ADGRF5: variants seen among roughly 807,000 people sequenced by gnomAD.
The protein encoded by ADGRF5 is G-protein coupled receptor 116.
A neutral mutation model predicts 132.3 loss-of-function variants in ADGRF5; 75 were observed. That is an observed-to-expected ratio of 0.57 (90% CI 0.47 to 0.69). The LOEUF (loss-of-function observed/expected upper bound fraction) is 0.69. Ranked by LOEUF, ADGRF5 falls within the 30% of genes least tolerant of loss-of-function variation. The pLI, the probability that ADGRF5 is intolerant of heterozygous loss-of-function variation, is 0.00. For synonymous variants in ADGRF5, 629 were observed against 597.6 expected, an observed-to-expected ratio of 1.05 and a Z score of -0.77; for missense variants, 1,516 against 1,630.6, an observed-to-expected ratio of 0.93 and a Z score of 1.21.
rs544366721 is a variant in ADGRF5 at position 46,902,137 on chromosome 6, C to A, written c.103-2054G>T. Among the ~76,000 whole-genome samples, 25 of 152,352 alleles carry A rather than the reference C, an allele frequency of 1.6e-4. 1 individual carries two copies. The South Asian group carries it at 4.8e-3, about 29-fold the overall frequency. On this transcript the variant is annotated intron_variant, in intron 2 of 20. Coordinates refer to ENST00000283296, the MANE Select transcript of ADGRF5 (RefSeq NM_001098518.2). ...CTTGAATATGCAGGAACTGAAGGTG[C>A]AAAGTCAATGTATAGGACTGTTTCC...
chr6:46,952,468 C>T (rs1035843443), intron 1 of ADGRF5, among the ~76,000 whole-genome samples: 1 of 152,010 alleles, frequency 6.6e-6, no homozygotes, highest in Admixed American at 6.6e-5. Flanking sequence ...GGGGCACTGA[C>T]AGGGAAACAA....
At chr6:46,854,568 T>G in intron 20 of ADGRF5, 1 of 442,266 alleles carries the variant, frequency 2.3e-6, no homozygotes, top group Non-Finnish European at 4.5e-6. Context: ...GTCAGGAATG[T>G]CAACAGAACT....
intron 1 of ADGRF5, among the ~76,000 whole-genome samples, chr6:46,938,428 AG>A (rs1480003687): frequency 6.6e-6 from 1 of 152,204 alleles, no homozygotes; most frequent in Non-Finnish European, 1.5e-5. Flanking sequence ...GAAGCCAATG[AG>A]AATGAGAAAC....
At chr6:46,941,327 CAAGA>C (rs1778036674) in intron 1 of ADGRF5, among the ~76,000 whole-genome samples, 1 of 144,330 alleles carries the variant, frequency 6.9e-6, no homozygotes, top group African/African-American at 2.6e-5. Context: ...GAAACCTTGT[CAAGA>C]AAGAAAGACA....
At chr6:46,878,793 T>G (rs1426436679) in intron 9 of ADGRF5, among the ~76,000 whole-genome samples, 1 of 152,226 alleles carries the variant, frequency 6.6e-6, no homozygotes, top group Non-Finnish European at 1.5e-5. Context: ...GACCCATATG[T>G]CTATAGCCCA....
At chr6:46,894,808 C>T (rs1301377003) in intron 3 of ADGRF5, among the ~76,000 whole-genome samples, 1 of 152,096 alleles carries the variant, frequency 6.6e-6, no homozygotes, top group African/African-American at 2.4e-5. Context: ...ATATAGTTGC[C>T]AGTAAAATAG....
At chr6:46,890,239 C>A (rs190264051) in intron 3 of ADGRF5, among the ~76,000 whole-genome samples, 163 of 152,058 alleles carry the variant, frequency 1.1e-3, no homozygotes, top group African/African-American at 3.7e-3. Context: ...ACTACAAGCT[C>A]ATACCATCAC....
chr6:46,872,008 G>A lies in ADGRF5; in HGVS notation c.1246C>T (p.Pro416Ser), dbSNP rs149458418. 3 of 1,594,840 alleles carry A rather than the reference G, an allele frequency of 1.9e-6. No individual in the cohort carries two copies. The highest frequency in any genetic ancestry group is 2.6e-6 in the Non-Finnish European group (3 of 1,166,220). ...QEGKINIPGTPETDIDSSCSR... is the reference protein window; with the variant it reads ...QEGKINIPGTSETDIDSSCSR... Reference sequence around the variant, plus strand: ...CAGCTAGAATCTATGTCTGTCTCAGGGGTTCCTATAATGAGAAGCAAATTG... The same window carrying A: ...CAGCTAGAATCTATGTCTGTCTCAGAGGTTCCTATAATGAGAAGCAAATTG... Residue 416 changes from proline (P) to serine (S), a missense_variant, in exon 11 of 21, where the codon CCT becomes TCT. Physicochemically the swap from Pro to Ser is moderately conservative, Grantham distance 74 (BLOSUM62 -1). Coordinates refer to ENST00000283296, the MANE Select transcript of ADGRF5 (RefSeq NM_001098518.2).
At chr6:46,925,437 C>T (rs1043616308), upstream of ADGRF5, among the ~76,000 whole-genome samples, 3 of 152,204 alleles carry the variant, frequency 2.0e-5, no homozygotes, top group Non-Finnish European at 4.4e-5. Context: ...TTGCTGGAGT[C>T]TCCACCTTGC....
chr6:46,879,308 G>GACA (rs1402122763), intron 9 of ADGRF5, among the ~76,000 whole-genome samples: 1,593 of 151,778 alleles, frequency 0.01, 35 homozygotes, highest in African/African-American at 0.037. Flanking sequence ...TTGGCTCTGT[G>GACA]TCCCCTCCCA....
At chr6:46,881,665 A>C (rs892322897) in intron 7 of ADGRF5, 68 bp from the exon 8 acceptor site, 13 of 1,419,018 alleles carry the variant, frequency 9.2e-6, no homozygotes, top group Non-Finnish European at 1.3e-5. Context: ...TTTATGGCTT[A>C]TTTGCTTAGG....
chr6:46,928,053 G>A (rs78518755), intron 1 of ADGRF5, among the ~76,000 whole-genome samples: 87 of 152,216 alleles, frequency 5.7e-4, no homozygotes, highest in African/African-American at 2.0e-3. Context: ...TGAAAAGTGG[G>A]GTGACAACCA....
chr6:46,934,222 AT>A (rs1777708201), intron 1 of ADGRF5, among the ~76,000 whole-genome samples: 1 of 152,156 alleles, frequency 6.6e-6, no homozygotes, highest in Admixed American at 6.6e-5. Context: ...ACACACATGC[AT>A]GCACACTCCT....
intron 2 of ADGRF5, among the ~76,000 whole-genome samples, chr6:46,901,975 A>G (rs1286233502): frequency 1.3e-5 from 2 of 152,166 alleles, no homozygotes; most frequent in African/African-American, 4.8e-5. Flanking sequence ...ATTAAAGTCA[A>G]TAGGAAATGG....
chr6:46,930,504 C>A (rs1777504504), intron 1 of ADGRF5, among the ~76,000 whole-genome samples: 1 of 151,856 alleles, frequency 6.6e-6, no homozygotes, highest in South Asian at 2.1e-4. Context: ...AACAGGAGGA[C>A]AATGAGGGTA....
At chr6:46,899,858 A>G (rs551655590) in intron 3 of ADGRF5, among the ~76,000 whole-genome samples, 171 bp downstream of exon 3, 1 of 152,122 alleles carries the variant, frequency 6.6e-6, no homozygotes, top group South Asian at 2.1e-4. Flanking sequence ...AGTTACTGTC[A>G]TTTGGTAGAG....
At chr6:46,890,395 T>C (rs1158193086) in intron 3 of ADGRF5, among the ~76,000 whole-genome samples, 1 of 151,868 alleles carries the variant, frequency 6.6e-6, no homozygotes, top group Non-Finnish European at 1.5e-5. Flanking sequence ...GCCCAGTCAT[T>C]GAAAATATTT....
Position 46,938,796 on chromosome 6 carries a change from C to T in ADGRF5, c.-25+15938G>A, listed in dbSNP as rs145516172. Among the ~76,000 whole-genome samples the T allele has an allele frequency of 3.0e-3, 464 of 152,266 alleles. 2 individuals are homozygous for T. Among genetic ancestry groups the T allele is most frequent in the Non-Finnish European group, 4.7e-3 (319 of 68,014 alleles). On this transcript the variant is annotated intron_variant, in intron 1 of 20. Coordinates refer to the ADGRF5 transcript ENST00000265417. ...CTGAAAACCACAAATCTAAAGATGA[C>T]CACACATGTTCTACCACAGAGTCCT...
intron 16 of ADGRF5, 101 bp downstream of exon 16, chr6:46,860,614 A>G: frequency 1.3e-6 from 1 of 794,046 alleles, no homozygotes; most frequent in Non-Finnish European, 2.1e-6. Context: ...TCTGGAAAAG[A>G]CAGAGAAGCT....
Sources: gnomAD v4.1 joint callset for allele counts (sites outside exome capture counted in the v4.1 genomes callset) on GRCh38, gnomAD v4.1.1 for gene constraint, MANE v1.5 for transcripts, NCBI Gene and HGNC (gene_info 2026-07-23, HGNC 2026-07-21) for gene names.